The following MYO3A variants were observed in gnomAD, a reference collection of about 807,000 sequenced individuals.
MYO3A encodes myosin IIIA.
A neutral mutation model predicts 192.7 loss-of-function variants in MYO3A; 180 were observed. That is an observed-to-expected ratio of 0.93 (90% CI 0.83 to 1.06). The LOEUF (loss-of-function observed/expected upper bound fraction) is 1.06. Ranked by LOEUF, MYO3A falls within the 50% of genes least tolerant of loss-of-function variation. The probability of loss-of-function intolerance (pLI) is 0.00; values close to 1 mark genes in which losing one functional copy is unlikely to be tolerated. For synonymous variants in MYO3A, 628 were observed against 645.3 expected (o/e 0.97, Z 0.41); for missense variants, 1,896 against 1,905.0 (o/e 1.00, Z 0.09).
intron 4 of MYO3A, among the ~76,000 whole-genome samples, chr10:25,968,822 T>A (rs1208626415): frequency 6.6e-6 from 1 of 152,244 alleles, no homozygotes; most frequent in Non-Finnish European, 1.5e-5. Context: ...ATGTGAATTA[T>A]CTTCTTGTGC....
At position 26,066,109 on chromosome 10, in the gene MYO3A, G is replaced by A. The variant is rs551694663; in HGVS notation, c.954-866G>A. Among the ~76,000 whole-genome samples, 7 of 25,238 alleles carry A rather than the reference G, an allele frequency of 2.8e-4. 1 individual carries two copies. Among genetic ancestry groups the A allele is most frequent in the Non-Finnish European group, 6.1e-4 (6 of 9,786 alleles). The allele number at this position is 25,238 out of a possible 152,430, so 16.6% of individuals were successfully genotyped here. A position where few individuals can be genotyped will look rare whatever the true frequency, so the allele number is the denominator to read the frequency against. On this transcript the variant is annotated intron_variant, in intron 10 of 34. Coordinates refer to ENST00000642920, the MANE Select transcript of MYO3A (RefSeq NM_017433.5). ...TGCACTCCAGCCTGGGCGACAGAGC[G>A]AAACTCCGTCTCAAAAAAAAAAAAA...
chr10:26,071,486 C>A (rs4581343), intron 14 of MYO3A, among the ~76,000 whole-genome samples: 72,193 of 151,900 alleles, frequency 0.48, 17,949 homozygotes, highest in Middle Eastern at 0.59. Context: ...GTAAAGAGTT[C>A]TTAGATTCAA....
intron 12 of MYO3A, among the ~76,000 whole-genome samples, chr10:26,069,260 T>C (rs1835047592): frequency 6.6e-6 from 1 of 152,120 alleles, no homozygotes; most frequent in East Asian, 1.9e-4. Context: ...AATTACATTG[T>C]TTATGTAGAT....
At chr10:26,165,974 C>T in intron 26 of MYO3A, 93 bp from the exon 27 acceptor site, 2 of 1,044,378 alleles carry the variant, frequency 1.9e-6, no homozygotes, top group East Asian at 4.7e-5. Flanking sequence ...GCATCTCTTC[C>T]TCAGCCCCTG....
At chr10:26,047,882 G>T (rs34044028) in intron 10 of MYO3A, among the ~76,000 whole-genome samples, 24,723 of 151,994 alleles carry the variant, frequency 0.16, 2,306 homozygotes, top group Non-Finnish European at 0.21. Flanking sequence ...GATAAAATTT[G>T]TATTCTTTTT....
intron 4 of MYO3A, among the ~76,000 whole-genome samples, chr10:25,991,302 A>G (rs1840013786): frequency 6.6e-6 from 1 of 152,220 alleles, no homozygotes; most frequent in South Asian, 2.1e-4. Flanking sequence ...TTGGCTGCAT[A>G]AACGTCTTCT....
chr10:25,962,463 A>G (rs1278581860), intron 4 of MYO3A, among the ~76,000 whole-genome samples: 1 of 152,134 alleles, frequency 6.6e-6, no homozygotes, highest in East Asian at 1.9e-4. Flanking sequence ...TTTTTTATAG[A>G]ACATCTACGG....
intron 4 of MYO3A, among the ~76,000 whole-genome samples, chr10:25,964,275 T>C (rs1259102555): frequency 6.6e-6 from 1 of 152,150 alleles, no homozygotes; most frequent in East Asian, 1.9e-4. Context: ...AGTTTACACA[T>C]TGGAAAAGGA....
At chr10:26,152,066 CT>C (rs1840824137) in intron 23 of MYO3A, among the ~76,000 whole-genome samples, 1 of 152,100 alleles carries the variant, frequency 6.6e-6, no homozygotes, top group Non-Finnish European at 1.5e-5. Flanking sequence ...GTTTTTTGCC[CT>C]TATAAAATAT....
chr10:26,026,761 G>T (rs1431039477), intron 10 of MYO3A, among the ~76,000 whole-genome samples: 1 of 152,150 alleles, frequency 6.6e-6, no homozygotes, highest in African/African-American at 2.4e-5. Context: ...GAGTGCAGAG[G>T]CACGATCTCG....
chr10:25,947,943 T>C (rs1382466430), intron 2 of MYO3A, among the ~76,000 whole-genome samples: 1 of 152,128 alleles, frequency 6.6e-6, no homozygotes, highest in African/African-American at 2.4e-5. Context: ...CAGGAAATTA[T>C]GTAGAGTGTT....
In MYO3A at chr10:26,088,383, T is replaced by G; in HGVS notation, c.1540T>G (p.Ser514Ala). 1 of 1,613,782 alleles carries G rather than the reference T, an allele frequency of 6.2e-7. No homozygotes were observed. Among genetic ancestry groups the G allele is most frequent in the Non-Finnish European group, 8.5e-7 (1 of 1,179,774 alleles). ...GATTTCTGAATATCTCCTGGAAAAA[T>G]CCCGAGTTATCCACCAAGCTATGTA... ...AQISEYLLEK[S>A]RVIHQAIGEK... Residue 514 changes from serine (S) to alanine (A), a missense_variant, in exon 15 of 35, where the codon TCC becomes GCC. By Grantham distance (99) the Ser-to-Ala change is moderately conservative. Transcript: ENST00000642920.
intron 10 of MYO3A, among the ~76,000 whole-genome samples, chr10:26,039,390 A>G (rs971422014): frequency 3.3e-5 from 5 of 151,862 alleles, no homozygotes; most frequent in African/African-American, 1.2e-4. Context: ...TTTTGCGTCA[A>G]GATGCATTTG....
chr10:25,996,724 A>G, intron 5 of MYO3A, 130 bp downstream of exon 5: 2 of 787,478 alleles, frequency 2.5e-6, no homozygotes, highest in Non-Finnish European at 4.3e-6. Context: ...TATATGCAAA[A>G]TCTGACATGT....
At position 26,188,845 on chromosome 10, in the gene MYO3A, A is replaced by G. The variant is rs1489045315; in HGVS notation, c.4439-4360A>G. On this transcript the variant is annotated intron_variant, in intron 31 of 34. Coordinates refer to ENST00000642920, the MANE Select transcript of MYO3A (RefSeq NM_017433.5). ...GGGCTCTGTTCTGTTCCATTGGTCTATATCTCTGTTTTGGTATCAGTACCA... is the reference window on the plus strand; with the variant it reads ...GGGCTCTGTTCTGTTCCATTGGTCTGTATCTCTGTTTTGGTATCAGTACCA... 2.6e-5 allele frequency among the ~76,000 whole-genome samples: 4 copies of G among 152,242 alleles called. No homozygotes were observed. The South Asian group carries it at 6.2e-4, about 24-fold the overall frequency.
chr10:26,045,366 T>A (rs375185309), intron 10 of MYO3A, among the ~76,000 whole-genome samples: 68 of 142,706 alleles, frequency 4.8e-4, no homozygotes, highest in African/African-American at 1.7e-3. Flanking sequence ...ATGGGTGGCA[T>A]TAGATAGATA....
intron 10 of MYO3A, among the ~76,000 whole-genome samples, chr10:26,042,187 A>C (rs1214005378): frequency 6.6e-6 from 1 of 152,078 alleles, no homozygotes; most frequent in African/African-American, 2.4e-5. Flanking sequence ...TCAGCTGCCA[A>C]ATGTATTGGA....
chr10:26,170,378 T>G (rs1432603039), intron 28 of MYO3A, 38 bp from the exon 29 acceptor site: 1 of 1,605,364 alleles, frequency 6.2e-7, no homozygotes, highest in African/African-American at 1.3e-5. Flanking sequence ...CTTTTATTTG[T>G]TTATAATTAA....
At chr10:26,088,444 A>G in intron 15 of MYO3A, 39 bp downstream of exon 15, 1 of 1,550,136 alleles carries the variant, frequency 6.5e-7, no homozygotes. Context: ...TGGAGGAAGC[A>G]GAAGCAAACA....
Sources: gnomAD v4.1 joint callset for allele counts (sites outside exome capture counted in the v4.1 genomes callset) on GRCh38, gnomAD v4.1.1 for gene constraint, MANE v1.5 for transcripts, NCBI Gene and HGNC (gene_info 2026-07-23, HGNC 2026-07-21) for gene names.